Variants in RAB8A observed in about 807,000 individuals in gnomAD.
The protein encoded by RAB8A is RAB8A, member RAS oncogene family.
A neutral mutation model predicts 29.2 loss-of-function variants in RAB8A; 5 were observed. The observed-to-expected ratio is 0.17, with a 90% CI of 0.09 to 0.36. The LOEUF (loss-of-function observed/expected upper bound fraction) is 0.36, where lower values mean the gene tolerates loss of function less well. Ranked by LOEUF, RAB8A falls within the 10% of genes least tolerant of loss-of-function variation. The pLI is 1.00. For synonymous variants in RAB8A, 108 were observed against 99.9 expected (o/e 1.08, Z -0.49); for missense variants, 171 against 272.2 (o/e 0.63, Z 2.62).
intron 7 of RAB8A, among the ~76,000 whole-genome samples, chr19:16,130,185 A>G (rs1369666651): frequency 1.3e-5 from 2 of 150,960 alleles, no homozygotes; most frequent in African/African-American, 4.9e-5. Flanking sequence ...GCGATTTCCT[A>G]GTCCGCTGCG....
chr19:16,129,154 A>C (rs558341190), intron 6 of RAB8A, among the ~76,000 whole-genome samples: 38 of 133,046 alleles, frequency 2.9e-4, no homozygotes, highest in Non-Finnish European at 5.6e-4. Flanking sequence ...AGAACTGGGC[A>C]CTCCTAGATC....
chr19:16,133,505 T>G lies in RAB8A; in HGVS notation c.*1201T>G, dbSNP rs1163335411. On this transcript the variant is annotated 3_prime_UTR_variant, in exon 8 of 8. Transcript: ENST00000300935. ...CTGTCAATCCAAACCATTGGCATCA[T>G]CGTTTCTTTTGAATTAAAACCAACA... The G allele has an allele frequency of 6.6e-6, 1 of 152,386 alleles. No homozygotes were observed. Among genetic ancestry groups the G allele is most frequent in the Non-Finnish European group, 1.5e-5 (1 of 68,006 alleles). The allele number at this position is 152,386 out of a possible 1,614,324, so 9.4% of individuals were successfully genotyped here.
intron 1 of RAB8A, among the ~76,000 whole-genome samples, chr19:16,116,187 G>A (rs545042997): frequency 4.6e-4 from 70 of 152,290 alleles, no homozygotes; most frequent in African/African-American, 1.6e-3. Context: ...CCAGGGCAGG[G>A]AAGAGCAAAC....
Position 16,125,277 on chromosome 19 carries a change from A to G in RAB8A, c.247-193A>G. ...GACAAGGCTGGTGCCAGAACCCAGC[A>G]GAAAGAAGGGCCACAGGGATGGAGA... On this transcript the variant is annotated intron_variant, in intron 3 of 7. Coordinates refer to ENST00000300935, the MANE Select transcript of RAB8A (RefSeq NM_005370.5). The surrounding 1 kb of genome is among the most constrained non-coding windows in gnomAD (Gnocchi z 5.0). 1.6e-6 allele frequency: 1 copy of G among 611,296 alleles called. No homozygotes were observed. The highest frequency in any genetic ancestry group is 1.9e-5 in the South Asian group (1 of 52,676). The allele number at this position is 611,296 out of a possible 1,614,324, so 37.9% of individuals were successfully genotyped here.
At position 16,132,552 on chromosome 19, in the gene RAB8A, C is replaced by T. The variant is rs1232483561; in HGVS notation, c.*248C>T. The T allele has an allele frequency of 1.4e-5, 7 of 511,496 alleles. No individual in the cohort carries two copies. In the East Asian group the frequency reaches 2.5e-4, roughly 18 times the overall value. The allele number at this position is 511,496 out of a possible 1,614,324, so 31.7% of individuals were successfully genotyped here. A position where few individuals can be genotyped will look rare whatever the true frequency, so the allele number is the denominator to read the frequency against. On this transcript the variant is annotated 3_prime_UTR_variant, in exon 8 of 8. Transcript: ENST00000300935. This position sits in a 1 kb window ranked among gnomAD's most constrained non-coding sequence, Gnocchi z 5.6. The stretch of plus-strand genomic sequence containing the variant: ...TGTAACATCTGCTGAACGGGCCCAC[C>T]CACACGTTGTATATTCAGAGAGAGA...
intron 3 of RAB8A, chr19:16,124,603 A>G (rs532437220): frequency 4.6e-5 from 7 of 152,414 alleles, no homozygotes; most frequent in Non-Finnish European, 7.3e-5. Flanking sequence ...AAGGACATCG[A>G]GAACCACACA....
intron 4 of RAB8A, chr19:16,126,996 A>G (rs1425710671): frequency 6.5e-6 from 1 of 152,796 alleles, no homozygotes; most frequent in African/African-American, 2.4e-5. Context: ...ATCTCAAAAA[A>G]AAACAAAAAA....
At chr19:16,123,341 CT>C (rs1265216914) in intron 3 of RAB8A, among the ~76,000 whole-genome samples, 1 of 152,218 alleles carries the variant, frequency 6.6e-6, no homozygotes, top group Non-Finnish European at 1.5e-5. Flanking sequence ...GGCGCAGTGG[CT>C]GATGCCTGTA....
chr19:16,113,058 A>G (rs938454829), intron 1 of RAB8A, among the ~76,000 whole-genome samples: 7 of 152,216 alleles, frequency 4.6e-5, no homozygotes, highest in Non-Finnish European at 5.9e-5. Flanking sequence ...GCCAGCCCAC[A>G]TTGTGGTTGA....
At chr19:16,129,829 G>C (rs1000323976) in intron 7 of RAB8A, among the ~76,000 whole-genome samples, 1 of 152,208 alleles carries the variant, frequency 6.6e-6, no homozygotes, top group Non-Finnish European at 1.5e-5. Context: ...CGTGCCCGGT[G>C]AATCCCCAGG....
rs1014857434 is a variant in RAB8A, at chr19:16,128,876, G to A, written c.481-678G>A. On this transcript the variant is annotated intron_variant, in intron 6 of 7. Coordinates refer to ENST00000300935, the MANE Select transcript of RAB8A (RefSeq NM_005370.5). ...TTCAGTCTCCCCTGGGCCTTCCTCC[G>A]CACCCCAAGCCACTCTCCTCTCCAG... Among the ~76,000 whole-genome samples, 6 of 152,212 alleles carry A rather than the reference G, an allele frequency of 3.9e-5. No homozygotes were observed. In the East Asian group the frequency reaches 9.7e-4, roughly 24 times the overall value.
intron 3 of RAB8A, chr19:16,124,720 C>CT (rs1555714203): frequency 2.2e-5 from 3 of 133,930 alleles, no homozygotes; most frequent in Non-Finnish European, 4.8e-5. Flanking sequence ...AGCCCCCCCC[C>CT]GCCCCCCGTG....
chr19:16,117,211 G>A (rs999232750), intron 1 of RAB8A, among the ~76,000 whole-genome samples: 5 of 152,122 alleles, frequency 3.3e-5, no homozygotes, highest in African/African-American at 7.2e-5. Context: ...GCAGAGGGCC[G>A]GGTGCGGTGG....
intron 1 of RAB8A, among the ~76,000 whole-genome samples, chr19:16,117,621 G>T (rs1165023963): frequency 6.6e-6 from 1 of 152,250 alleles, no homozygotes; most frequent in South Asian, 2.1e-4. Flanking sequence ...TGGCTGCGAG[G>T]TCACCGTGGG....
chr19:16,127,935 G>A lies in RAB8A; in HGVS notation c.415-91G>A. 7.4e-7 allele frequency: 1 copy of A among 1,354,942 alleles called. No homozygotes were observed. The highest frequency in any genetic ancestry group is 1.1e-6 in the Non-Finnish European group (1 of 947,372). The allele number at this position is 1,354,942 out of a possible 1,614,324, so 83.9% of individuals were successfully genotyped here. On this transcript the variant is annotated intron_variant, in intron 5 of 7. Transcript: ENST00000300935. The surrounding 1 kb of genome is among the most constrained non-coding windows in gnomAD (Gnocchi z 4.8). ...CCCAGCCCTGTTGCTGCTCCCTCTTGGCGCCGGCCCTGCCTTCAGCTCCTG... is the reference window on the plus strand; with the variant it reads ...CCCAGCCCTGTTGCTGCTCCCTCTTAGCGCCGGCCCTGCCTTCAGCTCCTG...
Position 16,127,655 on chromosome 19 carries a change from G to A in RAB8A, c.414+129G>A. On this transcript the variant is annotated intron_variant, in intron 5 of 7. Transcript: ENST00000300935. This position sits in a 1 kb window ranked among gnomAD's most constrained non-coding sequence, Gnocchi z 4.8. ...GTCACCCCAGTGGGGCACGTGCCAT[G>A]GGATGACAGAAGCACACACCCAGCC... is the stretch of plus-strand genomic sequence containing the variant. 1 of 729,416 alleles carries A rather than the reference G, an allele frequency of 1.4e-6. No homozygotes were observed. 45.2% of individuals were successfully genotyped at this position (729,416 alleles called of 1,614,324 possible). A position where few individuals can be genotyped will look rare whatever the true frequency, so the allele number is the denominator to read the frequency against.
rs1016494875 is a variant in RAB8A at position 16,122,766 on chromosome 19, A to G, written c.246+956A>G. On this transcript the variant is annotated intron_variant, in intron 3 of 7. Coordinates refer to ENST00000300935, the MANE Select transcript of RAB8A (RefSeq NM_005370.5). The surrounding 1 kb of genome is among the most constrained non-coding windows in gnomAD (Gnocchi z 4.7). Reference sequence around the variant, plus strand: ...ATGTGTTTAGAGCATCCCACACGGCATCCGAAACCTCATGGCAACCCACTC... The same window carrying G: ...ATGTGTTTAGAGCATCCCACACGGCGTCCGAAACCTCATGGCAACCCACTC... 1.3e-5 allele frequency among the ~76,000 whole-genome samples: 2 copies of G among 152,170 alleles called. No homozygotes were observed. Among genetic ancestry groups the G allele is most frequent in the Admixed American group, 1.3e-4 (2 of 15,286 alleles).
chr19:16,129,718 C>A, intron 7 of RAB8A, 114 bp downstream of exon 7: 1 of 1,033,578 alleles, frequency 9.7e-7, no homozygotes, highest in Non-Finnish European at 1.5e-6. Flanking sequence ...CAGCCAGACC[C>A]CATGGGACAT....
intron 7 of RAB8A, among the ~76,000 whole-genome samples, 186 bp downstream of exon 7, chr19:16,129,790 C>T (rs1013758452): frequency 2.0e-5 from 3 of 152,156 alleles, no homozygotes. Context: ...GCAGTGCCAG[C>T]CTGGGGACGC....
Sources: allele counts gnomAD v4.1 joint callset (sites outside exome capture counted in the v4.1 genomes callset), GRCh38; gene constraint gnomAD v4.1.1; non-coding constraint Gnocchi (gnomAD v3.1); transcripts MANE v1.5; gene names NCBI Gene and HGNC (gene_info 2026-07-23, HGNC 2026-07-21).